Variants in XYLT1 observed in about 807,000 individuals in gnomAD.
The protein encoded by XYLT1 is beta-D-xylosyltransferase 1.
Under a neutral mutation model 91.3 loss-of-function variants are expected in XYLT1, and 36 were observed. The ratio of observed to expected loss-of-function variants is 0.39; its 90% CI spans 0.30 to 0.52. The LOEUF (loss-of-function observed/expected upper bound fraction) is 0.52. Ranked by LOEUF, XYLT1 falls within the 20% of genes least tolerant of loss-of-function variation. The pLI, the probability that XYLT1 is intolerant of heterozygous loss-of-function variation, is 0.68. For missense variants in XYLT1, 1,242 were observed against 1,284.5 expected (o/e 0.97, Z 0.51); for synonymous variants, 588 against 532.0 (o/e 1.11, Z -1.45).
chr16:17,126,463 G>A (rs2030264419), intron 10 of XYLT1, among the ~76,000 whole-genome samples: 1 of 152,182 alleles, frequency 6.6e-6, no homozygotes, highest in South Asian at 2.1e-4. Context: ...AAATCCACTG[G>A]GAGTCTTAAT....
At chr16:17,314,300 C>T (rs189860370) in intron 2 of XYLT1, among the ~76,000 whole-genome samples, 2 of 152,234 alleles carry the variant, frequency 1.3e-5, no homozygotes, top group Non-Finnish European at 2.9e-5. Flanking sequence ...CTCCCCAGGC[C>T]CACTCATCAC....
intron 2 of XYLT1, among the ~76,000 whole-genome samples, chr16:17,293,491 CTTTTTTTTTTT>C (rs548581536): frequency 0.12 from 14,257 of 119,094 alleles, 841 homozygotes; most frequent in African/African-American, 0.16. Context: ...TTTCTCCCTC[CTTTTTTTTTTT>C]TTTTTTTTTT....
chr16:17,361,653 C>A (rs532394388), intron 1 of XYLT1, among the ~76,000 whole-genome samples: 1 of 152,212 alleles, frequency 6.6e-6, no homozygotes, highest in African/African-American at 2.4e-5. Flanking sequence ...CCATCAGGAT[C>A]TTGCATGCCT....
chr16:17,183,152 T>C (rs1423036711), intron 5 of XYLT1, among the ~76,000 whole-genome samples: 1 of 152,160 alleles, frequency 6.6e-6, no homozygotes, highest in Non-Finnish European at 1.5e-5. Flanking sequence ...TCATGTGACG[T>C]TGGGCAAGTC....
rs780187085 is a variant in XYLT1, at chr16:17,108,992, C to T, written c.2583G>A (p.Gly861=). ...KPEEALKLHN[G]PLRNAYMEQS... The stretch of plus-strand genomic sequence containing the variant: ...GCTCCATGTAGGCATTGCGGAGGGG[C>T]CCATTGTGCAGCTTCAGTGCCTCCT... The change falls in exon 12 of 12, where the codon GGG becomes GGA. Residue 861 remains glycine (G), a synonymous_variant. Transcript: ENST00000261381. 1 of 1,537,300 alleles carries T rather than the reference C, an allele frequency of 6.5e-7. No individual in the cohort carries two copies. The highest frequency in any genetic ancestry group is 8.8e-7 in the Non-Finnish European group (1 of 1,135,600).
chr16:17,297,170 T>C (rs1222778903), intron 2 of XYLT1, among the ~76,000 whole-genome samples: 1 of 152,170 alleles, frequency 6.6e-6, no homozygotes, highest in Non-Finnish European at 1.5e-5. Context: ...GTCAGGGAAA[T>C]GAATCCCCTT....
At chr16:17,294,988 A>T (rs527812302) in intron 2 of XYLT1, among the ~76,000 whole-genome samples, 1 of 152,342 alleles carries the variant, frequency 6.6e-6, no homozygotes, top group South Asian at 2.1e-4. Context: ...AAGATGACAG[A>T]TATAACAAAT....
At chr16:17,216,428 A>T (rs541889003) in intron 3 of XYLT1, among the ~76,000 whole-genome samples, 19 of 152,332 alleles carry the variant, frequency 1.2e-4, no homozygotes, top group African/African-American at 4.6e-4. Context: ...AAAAATCCTC[A>T]TAGTAATCAC....
At chr16:17,353,857 TTCTGATG>T (rs2035255909) in intron 2 of XYLT1, among the ~76,000 whole-genome samples, 1 of 152,248 alleles carries the variant, frequency 6.6e-6, no homozygotes, top group South Asian at 2.1e-4. Flanking sequence ...GAAGATAAGA[TTCTGATG>T]TCATGCAACC....
intron 3 of XYLT1, among the ~76,000 whole-genome samples, chr16:17,244,842 A>G (rs1235429746): frequency 6.6e-6 from 1 of 152,226 alleles, no homozygotes; most frequent in Non-Finnish European, 1.5e-5. Flanking sequence ...CTATAAAGAA[A>G]TAACTTAGGT....
At chr16:17,252,263 A>G (rs2033553398) in intron 3 of XYLT1, among the ~76,000 whole-genome samples, 1 of 152,142 alleles carries the variant, frequency 6.6e-6, no homozygotes, top group Non-Finnish European at 1.5e-5. Flanking sequence ...TTTTGTGTCC[A>G]TTTTACTGTG....
chr16:17,446,974 T>C (rs2036599261), intron 1 of XYLT1, among the ~76,000 whole-genome samples: 1 of 151,818 alleles, frequency 6.6e-6, no homozygotes, highest in African/African-American at 2.4e-5. Flanking sequence ...CTCATCCCTG[T>C]CTACTCTCCC....
chr16:17,327,674 G>A (rs558650866), intron 2 of XYLT1, among the ~76,000 whole-genome samples: 7 of 144,602 alleles, frequency 4.8e-5, no homozygotes, highest in Non-Finnish European at 9.0e-5. Flanking sequence ...GAGCCACCAC[G>A]CCTGGCCAAC....
chr16:17,452,678 A>C (rs1053845886), intron 1 of XYLT1, among the ~76,000 whole-genome samples: 2 of 152,174 alleles, frequency 1.3e-5, no homozygotes, highest in African/African-American at 2.4e-5. Flanking sequence ...TTAAATTTCT[A>C]TGCGATTGTC....
In XYLT1 at chr16:17,379,763, T is replaced by TCTTTCTCACACACACACACACA. The variant is rs373354877; in HGVS notation, c.364-21714_364-21713insTGTGTGTGTGTGTGTGAGAAAG. On this transcript the variant is annotated intron_variant, in intron 1 of 11. Coordinates refer to ENST00000261381, the MANE Select transcript of XYLT1 (RefSeq NM_022166.4). ...CTCTCTCTCTCTCTCTCTCTCTCTC[T>TCTTTCTCACACACACACACACA]CACACACACACACACACACACACAC... Among the ~76,000 whole-genome samples the TCTTTCTCACACACACACACACA allele has an allele frequency of 2.2e-3, 281 of 125,616 alleles. 3 individuals carry two copies. The highest frequency in any genetic ancestry group is 8.2e-3 in the African/African-American group (260 of 31,752). 82.4% of individuals were successfully genotyped at this position (125,616 alleles called of 152,430 possible).
chr16:17,263,430 C>T (rs938981565), intron 2 of XYLT1, among the ~76,000 whole-genome samples: 5 of 152,150 alleles, frequency 3.3e-5, no homozygotes, highest in Middle Eastern at 3.4e-3. Flanking sequence ...ACCACAATGG[C>T]GATGATTAGC....
intron 1 of XYLT1, among the ~76,000 whole-genome samples, chr16:17,443,419 G>A (rs1567204993): frequency 6.6e-6 from 1 of 152,124 alleles, no homozygotes; most frequent in African/African-American, 2.4e-5. Context: ...TCTCATGATA[G>A]TGAGCGAGTT....
At chr16:17,433,239 C>A (rs1238362268) in intron 1 of XYLT1, among the ~76,000 whole-genome samples, 1 of 152,186 alleles carries the variant, frequency 6.6e-6, no homozygotes. Context: ...CATGCTATCA[C>A]CCCGAAAAGT....
intron 2 of XYLT1, among the ~76,000 whole-genome samples, chr16:17,281,244 G>A (rs753134431): frequency 7.9e-5 from 12 of 152,248 alleles, no homozygotes; most frequent in Non-Finnish European, 1.6e-4. Context: ...GGTCACGCCC[G>A]GGGTTGTGAC....
Sources: gnomAD v4.1 joint callset for allele counts (sites outside exome capture counted in the v4.1 genomes callset) on GRCh38, gnomAD v4.1.1 for gene constraint, MANE v1.5 for transcripts, NCBI Gene and HGNC (gene_info 2026-07-23, HGNC 2026-07-21) for gene names.